Variants in EDA2R observed in about 807,000 individuals in gnomAD.
The protein encoded by EDA2R is tumor necrosis factor receptor superfamily member 27.
Under a neutral mutation model 20.1 loss-of-function variants are expected in EDA2R, and 26 were observed. The observed-to-expected ratio is 1.30, with a 90% CI of 0.95 to 1.80. The LOEUF (loss-of-function observed/expected upper bound fraction) is 1.80. Among genes scored for constraint, EDA2R ranks in the 40% most tolerant of loss-of-function variants. EDA2R has a pLI of 0.00. For missense variants in EDA2R, 277 were observed against 228.7 expected, an observed-to-expected ratio of 1.21 and a Z score of -1.36; for synonymous variants, 114 against 88.7, an observed-to-expected ratio of 1.29 and a Z score of -1.60.
chrX:66,632,073 C>T (rs1321342140), intron 1 of EDA2R, among the ~76,000 whole-genome samples: 1 of 111,492 alleles, frequency 9.0e-6, no homozygotes, highest in African/African-American at 3.3e-5. Context: ...AAATAAAAAC[C>T]TCTGGGGTTG....
chrX:66,626,790 A>G (rs1933125114), intron 1 of EDA2R, among the ~76,000 whole-genome samples: 1 of 79,707 alleles, frequency 1.3e-5, no homozygotes, highest in South Asian at 9.8e-4. Flanking sequence ...AAGAGGAGGG[A>G]AGGGGAGGGG....
intron 2 of EDA2R, among the ~76,000 whole-genome samples, chrX:66,606,535 C>T (rs1929712393): frequency 1.8e-5 from 2 of 112,011 alleles, no homozygotes; most frequent in African/African-American, 6.5e-5. Flanking sequence ...TATGCCCCTA[C>T]AGAAACATAG....
At chrX:66,630,684 TA>T (rs1050298984) in intron 1 of EDA2R, among the ~76,000 whole-genome samples, 1 of 110,070 alleles carries the variant, frequency 9.1e-6, no homozygotes, top group African/African-American at 3.3e-5. Context: ...CAAAAATAAA[TA>T]AAAACAGTAG....
chrX:66,622,982 T>C (rs1932792647), intron 1 of EDA2R, among the ~76,000 whole-genome samples: 1 of 112,287 alleles, frequency 8.9e-6, no homozygotes, highest in Non-Finnish European at 1.9e-5. Flanking sequence ...AATCAAGTTC[T>C]CCATTCATAC....
intron 3 of EDA2R, 39 bp downstream of exon 3, chrX:66,605,009 A>G: frequency 8.8e-7 from 1 of 1,139,356 alleles, no homozygotes; most frequent in Non-Finnish European, 1.2e-6. Context: ...CAACAGCTAG[A>G]AAAGCCCAGA....
chrX:66,613,153 A>G (rs1931071328), intron 2 of EDA2R, among the ~76,000 whole-genome samples: 2 of 112,194 alleles, frequency 1.8e-5, no homozygotes, highest in South Asian at 7.3e-4. Flanking sequence ...ATTTATTAAT[A>G]CATGTCATCA....
At position 66,599,330 on chromosome X, in the gene EDA2R, C is replaced by A. The variant is rs779086447; in HGVS notation, c.*10+144G>T. On this transcript the variant is annotated intron_variant, in intron 6 of 6. Transcript: ENST00000374719. ...TAAAAGTTTAGCATCACCACTGTTG[C>A]CCCTCCACCCAAAGTGTTCCTAGCT... 1.8e-4 allele frequency: 111 copies of A among 632,280 alleles called. No individual in the cohort carries two copies. In the African/African-American group the frequency reaches 2.2e-3, roughly 12 times the overall value. The allele number at this position is 632,280 out of a possible 1,213,427, so 52.1% of individuals were successfully genotyped here.
intron 1 of EDA2R, among the ~76,000 whole-genome samples, chrX:66,633,936 C>A (rs778814496): frequency 9.0e-6 from 1 of 111,593 alleles, no homozygotes; most frequent in Admixed American, 9.5e-5. Flanking sequence ...TTGCCCCACA[C>A]TCCCTCCACC....
rs767061866 is a variant in EDA2R, at chrX:66,633,242, C to T, written c.-11+5753G>A. 8.0e-5 allele frequency among the ~76,000 whole-genome samples: 9 copies of T among 111,956 alleles called. No individual in the cohort carries two copies. The East Asian group carries it at 2.5e-3, about 31-fold the overall frequency. ...ACCTCAAAAGACAAATACAACTTAG[C>T]AGACTGTAAATTAAAAATATAAATA... On this transcript the variant is annotated intron_variant, in intron 1 of 6. Coordinates refer to ENST00000374719, the MANE Select transcript of EDA2R (RefSeq NM_021783.5).
At chrX:66,617,215 C>T (rs1931859541) in intron 1 of EDA2R, among the ~76,000 whole-genome samples, 1 of 112,028 alleles carries the variant, frequency 8.9e-6, no homozygotes, top group Admixed American at 9.4e-5. Context: ...CTCAAAGTTC[C>T]CCAAAAGCGA....
At chrX:66,633,544 C>T (rs960705041) in intron 1 of EDA2R, among the ~76,000 whole-genome samples, 7 of 111,062 alleles carry the variant, frequency 6.3e-5, no homozygotes, top group Non-Finnish European at 1.3e-4. Context: ...GATTGTGCTA[C>T]GTATGTGAGG....
rs761139188 is a variant in EDA2R, at chrX:66,615,952, A to G, written c.69T>C (p.Pro23=). ...AACTTACCTTGGATAGCTCCTGTCCAGGACCACACCGTTGGCAGGTGACAC... is the reference window on the plus strand; with the variant it reads ...AACTTACCTTGGATAGCTCCTGTCCGGGACCACACCGTTGGCAGGTGACAC... ...GRCVTCQRCG[P]GQELSKDCGY... Residue 23 remains proline (P), a synonymous_variant, in exon 2 of 7, where the codon CCT becomes CCC. Transcript: ENST00000374719. The G allele has an allele frequency of 6.6e-6, 8 of 1,210,128 alleles. No individual in the cohort carries two copies. The East Asian group carries it at 2.4e-4, about 36-fold the overall frequency.
In EDA2R at chrX:66,596,983, T is replaced by C. The variant is rs1001897910; in HGVS notation, c.*1121A>G. 2 of 112,849 alleles carry C rather than the reference T, an allele frequency of 1.8e-5. No homozygotes were observed. Among genetic ancestry groups the C allele is most frequent in the African/African-American group, 6.4e-5 (2 of 31,070 alleles). The allele number at this position is 112,849 out of a possible 1,213,427, so 9.3% of individuals were successfully genotyped here. A position where few individuals can be genotyped will look rare whatever the true frequency, so the allele number is the denominator to read the frequency against. On this transcript the variant is annotated 3_prime_UTR_variant, in exon 7 of 7. Coordinates refer to ENST00000374719, the MANE Select transcript of EDA2R (RefSeq NM_021783.5). ...GGGGCCCTTAATCAGTGTTTGTAGATGGATGAACCCAAAAGATGTAGTTAA... is the reference window on the plus strand; with the variant it reads ...GGGGCCCTTAATCAGTGTTTGTAGACGGATGAACCCAAAAGATGTAGTTAA...
chrX:66,619,935 A>G (rs1374404642), intron 1 of EDA2R, among the ~76,000 whole-genome samples: 1 of 111,375 alleles, frequency 9.0e-6, no homozygotes, highest in Non-Finnish European at 1.9e-5. Flanking sequence ...GCCCATGTAA[A>G]CACCACCCAA....
chrX:66,606,320 A>C (rs1929675279), intron 2 of EDA2R, among the ~76,000 whole-genome samples: 1 of 112,208 alleles, frequency 8.9e-6, no homozygotes, highest in African/African-American at 3.2e-5. Context: ...GGGCATGTGC[A>C]TCATTTCTAG....
In EDA2R at chrX:66,602,699, T is replaced by C. The variant is rs1928840541; in HGVS notation, c.451A>G (p.Thr151Ala). 8.3e-7 allele frequency: 1 copy of C among 1,198,676 alleles called. No homozygotes were observed. Among genetic ancestry groups the C allele is most frequent in the Non-Finnish European group, 1.1e-6 (1 of 889,250 alleles). ...ALVSSLLVVF[T>A]LAFLGLFFLY... ...AAGAAGAGCCCCAGGAAGGCCAGGG[T>C]AAACACCACTAGCAGGCTGCTCACC... Residue 151 changes from threonine (T) to alanine (A), a missense_variant, in exon 5 of 7, where the codon ACC (threonine) becomes GCC (alanine). Transcript: ENST00000374719.
At chrX:66,630,578 CAT>C (rs1217115747) in intron 1 of EDA2R, among the ~76,000 whole-genome samples, 5 of 111,179 alleles carry the variant, frequency 4.5e-5, no homozygotes, top group East Asian at 2.8e-4. Flanking sequence ...GGCCAACAAA[CAT>C]ATGAAAAAAT....
intron 6 of EDA2R, 64 bp downstream of exon 6, chrX:66,599,410 G>A: frequency 9.6e-7 from 1 of 1,046,534 alleles, no homozygotes; most frequent in Non-Finnish European, 1.3e-6. Flanking sequence ...AGAATTCCTT[G>A]AGGTTAGTCC....
chrX:66,628,769 A>G (rs1311468132), intron 1 of EDA2R, among the ~76,000 whole-genome samples: 1 of 110,787 alleles, frequency 9.0e-6, no homozygotes, highest in Non-Finnish European at 1.9e-5. Flanking sequence ...CATTCAAAGA[A>G]CAATTGGTAC....
Sources: allele counts gnomAD v4.1 joint callset (sites outside exome capture counted in the v4.1 genomes callset), GRCh38; gene constraint gnomAD v4.1.1; transcripts MANE v1.5; gene names NCBI Gene and HGNC (gene_info 2026-07-23, HGNC 2026-07-21).